GPHN: variants seen among roughly 807,000 people sequenced by gnomAD.
The protein encoded by GPHN is gephyrin.
Under a neutral mutation model 95.5 loss-of-function variants are expected in GPHN, and 17 were observed. That is an observed-to-expected ratio of 0.18 (90% CI 0.12 to 0.27). The LOEUF (loss-of-function observed/expected upper bound fraction) is 0.27. GPHN is among the 10% of genes least tolerant of loss of function. The pLI is 1.00. For missense variants in GPHN, 660 were observed against 978.1 expected, an observed-to-expected ratio of 0.67 and a Z score of 4.34; for synonymous variants, 320 against 322.5, an observed-to-expected ratio of 0.99 and a Z score of 0.08.
intron 1 of GPHN, among the ~76,000 whole-genome samples, chr14:66,636,844 A>G (rs1441102500): frequency 6.6e-6 from 1 of 152,238 alleles, no homozygotes; most frequent in African/African-American, 2.4e-5. Flanking sequence ...TAACATGGCA[A>G]GTTGATGTAG....
At chr14:67,397,704 G>A in the GPHN span, 1 of 1,613,460 alleles carries the variant, frequency 6.2e-7, no homozygotes, top group Non-Finnish European at 8.5e-7. Context: ...TGATGGTGCA[G>A]CCATCCAGGA....
intron 3 of GPHN, among the ~76,000 whole-genome samples, chr14:66,800,285 T>TA (rs1411417237): frequency 6.6e-6 from 1 of 152,158 alleles, no homozygotes; most frequent in East Asian, 1.9e-4. Context: ...TCTGTGTACT[T>TA]ACTATTACCA....
At chr14:67,068,218 T>C (rs2076144444) in intron 11 of GPHN, among the ~76,000 whole-genome samples, 1 of 152,196 alleles carries the variant, frequency 6.6e-6, no homozygotes, top group Non-Finnish European at 1.5e-5. Flanking sequence ...AATGTAAACA[T>C]TATTCTTATA....
chr14:67,383,636 A>G, the GPHN span: 1 of 647,442 alleles, frequency 1.5e-6, no homozygotes, highest in Non-Finnish European at 2.5e-6. Context: ...TAGCTCCAAC[A>G]CTTTGAGCAT....
intron 12 of GPHN, among the ~76,000 whole-genome samples, chr14:67,097,019 T>C (rs2077430580): frequency 6.6e-6 from 1 of 152,230 alleles, no homozygotes; most frequent in Non-Finnish European, 1.5e-5. Flanking sequence ...TGCATGAATC[T>C]TCTAAGAACG....
chr14:66,996,990 C>T (rs1162752290), intron 9 of GPHN, among the ~76,000 whole-genome samples: 1 of 151,988 alleles, frequency 6.6e-6, no homozygotes, highest in Non-Finnish European at 1.5e-5. Flanking sequence ...TTTGAATATC[C>T]ATTAAGTCTC....
chr14:66,946,404 C>T (rs906093111), intron 8 of GPHN, among the ~76,000 whole-genome samples: 8 of 152,016 alleles, frequency 5.3e-5, no homozygotes, highest in African/African-American at 1.9e-4. Flanking sequence ...TATGTTAACA[C>T]ATTTATTTTT....
At chr14:67,694,122 T>C in the GPHN span, among the ~76,000 whole-genome samples, 3 of 152,154 alleles carry the variant, frequency 2.0e-5, no homozygotes, top group African/African-American at 7.2e-5. Context: ...TTTCAGCCTT[T>C]TTCATTGAAC....
At chr14:67,224,052 C>A in the GPHN span, 1 of 914,860 alleles carries the variant, frequency 1.1e-6, no homozygotes, top group Non-Finnish European at 1.3e-6. Context: ...CACATTCACC[C>A]AGCAATGCTA....
At chr14:66,680,689 AT>A (rs1404282075) in intron 1 of GPHN, among the ~76,000 whole-genome samples, 1 of 152,156 alleles carries the variant, frequency 6.6e-6, no homozygotes, top group East Asian at 1.9e-4. Context: ...CATCCTGCAA[AT>A]TTAGTTTCTC....
chr14:67,596,906 C>T, the GPHN span, among the ~76,000 whole-genome samples: 4 of 152,288 alleles, frequency 2.6e-5, no homozygotes, highest in Admixed American at 2.6e-4. Context: ...GTCTCTTTTC[C>T]CCTACTGTAA....
the GPHN span, among the ~76,000 whole-genome samples, chr14:67,664,397 C>T: frequency 6.6e-6 from 1 of 152,172 alleles, no homozygotes; most frequent in Non-Finnish European, 1.5e-5. Flanking sequence ...CAAGGTTCAT[C>T]TATGCTGTTG....
At chr14:66,529,610 C>T (rs769603792) in intron 1 of GPHN, among the ~76,000 whole-genome samples, 2 of 152,024 alleles carry the variant, frequency 1.3e-5, no homozygotes, top group African/African-American at 2.4e-5. Context: ...ATTTATCTAC[C>T]TTTGTTCTTT....
the GPHN span, among the ~76,000 whole-genome samples, chr14:67,389,421 G>A: frequency 5.4e-4 from 82 of 152,014 alleles, no homozygotes; most frequent in Non-Finnish European, 9.3e-4. Context: ...AGTAAAGTGC[G>A]GAACAAATTA....
chr14:67,724,048 C>A, the GPHN span, among the ~76,000 whole-genome samples: 1 of 152,220 alleles, frequency 6.6e-6, no homozygotes, highest in Non-Finnish European at 1.5e-5. Context: ...GAGTGCTGTT[C>A]ATCAGTTACT....
the GPHN span, chr14:67,584,145 C>G: frequency 2.5e-6 from 4 of 1,609,966 alleles, no homozygotes; most frequent in African/African-American, 1.3e-5. Context: ...GTGGAAGGAG[C>G]TGCCCACACC....
intron 1 of GPHN, among the ~76,000 whole-genome samples, chr14:66,513,542 A>C (rs952832808): frequency 6.6e-6 from 1 of 151,830 alleles, no homozygotes; most frequent in Non-Finnish European, 1.5e-5. Flanking sequence ...AGAATAATGA[A>C]GCATATTTGG....
chr14:66,611,429 G>A (rs1023200598), intron 1 of GPHN, among the ~76,000 whole-genome samples: 10 of 152,086 alleles, frequency 6.6e-5, no homozygotes, highest in African/African-American at 1.9e-4. Flanking sequence ...AAAAAGCATA[G>A]AAAATATACT....
At chr14:67,110,939 G>T (rs2078330929) in intron 14 of GPHN, among the ~76,000 whole-genome samples, 1 of 152,176 alleles carries the variant, frequency 6.6e-6, no homozygotes, top group Admixed American at 6.5e-5. Flanking sequence ...ATAGTGGCAG[G>T]TTATTGAAAC....
Sources: allele counts gnomAD v4.1 joint callset (sites outside exome capture counted in the v4.1 genomes callset), GRCh38; gene constraint gnomAD v4.1.1; transcripts MANE v1.5; gene names NCBI Gene and HGNC (gene_info 2026-07-23, HGNC 2026-07-21).